The following SPATS2L variants were observed in gnomAD, a reference collection of about 807,000 sequenced individuals.
SPATS2L encodes SPATS2-like protein.
SPATS2L carries 30 observed loss-of-function variants against 59.6 expected under a neutral mutation model. The observed-to-expected ratio is 0.50, with a 90% CI of 0.38 to 0.68. SPATS2L has a LOEUF of 0.68. Ranked by LOEUF, SPATS2L falls within the 30% of genes least tolerant of loss-of-function variation. The probability of loss-of-function intolerance (pLI) is 0.00; values close to 1 mark genes in which losing one functional copy is unlikely to be tolerated. For synonymous variants in SPATS2L, 252 were observed against 263.5 expected, an observed-to-expected ratio of 0.96 and a Z score of 0.42; for missense variants, 615 against 700.0, an observed-to-expected ratio of 0.88 and a Z score of 1.37.
rs1320660712 is a variant in SPATS2L at position 200,467,303 on chromosome 2, T to G, written c.861T>G (p.Thr287=). ...KVKEEAMEIL[T]ARQKKAEELK... The stretch of plus-strand genomic sequence containing the variant: ...CTTATTTGGCAGTGGAAATCCTGAC[T>G]GCTCGTCAGAAGAAAGCAGAAGAAC... The change falls in exon 10 of 13, where the codon ACT becomes ACG. Residue 287 remains threonine, a synonymous_variant. Transcript: ENST00000409140. 4 of 1,613,556 alleles carry G rather than the reference T, an allele frequency of 2.5e-6. No homozygotes were observed. The highest frequency in any genetic ancestry group is 3.4e-6 in the Non-Finnish European group (4 of 1,179,442).
chr2:200,343,759 T>C (rs1021673440), intron 2 of SPATS2L, among the ~76,000 whole-genome samples: 7 of 152,176 alleles, frequency 4.6e-5, no homozygotes, highest in African/African-American at 1.7e-4. Context: ...TCAGCCACAG[T>C]AGATGCTGTT....
intron 2 of SPATS2L, among the ~76,000 whole-genome samples, chr2:200,378,748 A>G (rs796935403): frequency 2.6e-5 from 4 of 152,278 alleles, no homozygotes; most frequent in African/African-American, 9.6e-5. Flanking sequence ...TTTTTATTCC[A>G]TGACAACCGA....
At position 200,415,307 on chromosome 2, in the gene SPATS2L, A is replaced by G. The variant is rs75944379; in HGVS notation, c.149-1072A>G. On this transcript the variant is annotated intron_variant, in intron 4 of 12. Coordinates refer to ENST00000409140, the MANE Select transcript of SPATS2L (RefSeq NM_001100423.2). ...GTCAAAGCCATATGGCCTTCTGCTT[A>G]TCTAACAGTGACAGTAGACTCAATA... Among the ~76,000 whole-genome samples, 50 of 152,342 alleles carry G rather than the reference A, an allele frequency of 3.3e-4. No individual in the cohort carries two copies. The East Asian group carries it at 8.3e-3, about 25-fold the overall frequency.
intron 6 of SPATS2L, among the ~76,000 whole-genome samples, chr2:200,437,488 A>G (rs1424017403): frequency 6.6e-6 from 1 of 152,164 alleles, no homozygotes; most frequent in Non-Finnish European, 1.5e-5. Flanking sequence ...CATGTGTAAT[A>G]AGTACCAAGG....
intron 2 of SPATS2L, among the ~76,000 whole-genome samples, chr2:200,382,801 TAGC>T (rs1410193745): frequency 6.6e-6 from 1 of 152,248 alleles, no homozygotes; most frequent in African/African-American, 2.4e-5. Context: ...GTCAAGCACT[TAGC>T]AGAGTGTCTG....
intron 2 of SPATS2L, chr2:200,373,140 A>G (rs376677699): frequency 6.6e-6 from 1 of 152,162 alleles, no homozygotes; most frequent in African/African-American, 2.4e-5. Context: ...TCCCCACCAT[A>G]CAGCATGGCT....
At chr2:200,393,047 T>C in intron 3 of SPATS2L, 1 of 349,260 alleles carries the variant, frequency 2.9e-6, no homozygotes. Flanking sequence ...CTTCTTCATA[T>C]AATGTCTGAA....
At chr2:200,423,063 A>G (rs531146314) in intron 6 of SPATS2L, among the ~76,000 whole-genome samples, 205 of 152,336 alleles carry the variant, frequency 1.3e-3, no homozygotes, top group African/African-American at 4.6e-3. Flanking sequence ...AGGCATGACC[A>G]CATCCTGGGT....
chr2:200,425,895 A>T (rs2083543577), intron 6 of SPATS2L, among the ~76,000 whole-genome samples: 2 of 152,090 alleles, frequency 1.3e-5, no homozygotes, highest in African/African-American at 2.4e-5. Flanking sequence ...GAGTGCGTGT[A>T]TGCAGCAATT....
Position 200,469,963 on chromosome 2 carries a change from G to A in SPATS2L, c.1007G>A (p.Arg336Gln), listed in dbSNP as rs200772751. The change falls in exon 11 of 13, where the codon CGG becomes CAG. Residue 336 changes from arginine to glutamine, a missense_variant. This residue lies in a region of SPATS2L where 104 missense variants were observed against 162.5 expected (regional missense o/e 0.64). Coordinates refer to ENST00000409140, the MANE Select transcript of SPATS2L (RefSeq NM_001100423.2). Reference protein sequence around the residue: ...KYDEELGKAARFSCDIEQLKA... With the variant: ...KYDEELGKAAQFSCDIEQLKA... ...GACGAGGAGCTCGGGAAAGCTGCCC[G>A]GTTTTCCTGTGACATCGAACAGCTG... 1,421 of 1,612,252 alleles carry A rather than the reference G, an allele frequency of 8.8e-4. 2 individuals are homozygous for A. Among genetic ancestry groups the A allele is most frequent in the Non-Finnish European group, 1.2e-3 (1,373 of 1,179,240 alleles).
At chr2:200,332,195 AAG>A (rs1410481901) in intron 2 of SPATS2L, among the ~76,000 whole-genome samples, 2 of 151,714 alleles carry the variant, frequency 1.3e-5, no homozygotes, top group Admixed American at 6.6e-5. Flanking sequence ...ACAGAGAGGA[AAG>A]AGAGAGATTT....
At position 200,392,307 on chromosome 2, in the gene SPATS2L, A is replaced by G. The variant is rs564130350; in HGVS notation, c.39+3024A>G. On this transcript the variant is annotated intron_variant, in intron 3 of 12. Transcript: ENST00000409140. ...GCCAATGATGTAAGCAGTCATGCCT[A>G]TGTAACGAAGCCTCTGGAAAAACCC... 6.3e-4 allele frequency among the ~76,000 whole-genome samples: 96 copies of G among 152,290 alleles called. 1 individual carries two copies. The South Asian group carries it at 0.017, about 28-fold the overall frequency.
At chr2:200,463,574 T>C (rs1292145439) in intron 9 of SPATS2L, among the ~76,000 whole-genome samples, 1 of 152,238 alleles carries the variant, frequency 6.6e-6, no homozygotes, top group Non-Finnish European at 1.5e-5. Flanking sequence ...ATTCCATTTA[T>C]TTCCACAATA....
intron 5 of SPATS2L, among the ~76,000 whole-genome samples, chr2:200,417,351 T>G (rs13427493): frequency 0.02 from 2,926 of 143,640 alleles, 92 homozygotes; most frequent in African/African-American, 0.077. Context: ...AAATTATGAG[T>G]TTTTTTTTTA....
In SPATS2L at chr2:200,353,294, G is replaced by T. The variant is rs185198922; in HGVS notation, c.-23+23814G>T. On this transcript the variant is annotated intron_variant, in intron 2 of 12. Coordinates refer to ENST00000409140, the MANE Select transcript of SPATS2L (RefSeq NM_001100423.2). ...CAGCTTGATCGCTGCGTTGAAATTT[G>T]GGATCTTGATTGTGCAATCCAAGTG... Among the ~76,000 whole-genome samples, 43 of 152,240 alleles carry T rather than the reference G, an allele frequency of 2.8e-4. No homozygotes were observed. In the East Asian group the frequency reaches 6.8e-3, roughly 24 times the overall value.
intron 2 of SPATS2L, among the ~76,000 whole-genome samples, chr2:200,341,516 C>T (rs1335554196): frequency 6.6e-6 from 1 of 151,974 alleles, no homozygotes; most frequent in Non-Finnish European, 1.5e-5. Context: ...TGTTATGAGT[C>T]TTATTGGTGA....
chr2:200,472,571 A>G (rs912419709), intron 11 of SPATS2L, among the ~76,000 whole-genome samples: 2 of 152,210 alleles, frequency 1.3e-5, no homozygotes, highest in African/African-American at 4.8e-5. Flanking sequence ...TAAGTTGGTC[A>G]GATATGTCTT....
intron 2 of SPATS2L, among the ~76,000 whole-genome samples, chr2:200,375,233 G>C (rs1023789520): frequency 6.6e-6 from 1 of 152,148 alleles, no homozygotes; most frequent in East Asian, 1.9e-4. Context: ...ATAGGAGTGA[G>C]GCTAATGGTT....
intron 2 of SPATS2L, among the ~76,000 whole-genome samples, chr2:200,349,342 C>CA (rs1473677259): frequency 6.6e-6 from 1 of 152,150 alleles, no homozygotes; most frequent in Non-Finnish European, 1.5e-5. Context: ...CATCAAGAGT[C>CA]AAAGACACGT....
Sources: allele counts gnomAD v4.1 joint callset (sites outside exome capture counted in the v4.1 genomes callset), GRCh38; gene constraint gnomAD v4.1.1; regional missense constraint gnomAD v4.1.1; transcripts MANE v1.5; gene names NCBI Gene and HGNC (gene_info 2026-07-23, HGNC 2026-07-21).